STX8: variants seen among roughly 807,000 people sequenced by gnomAD.
The protein encoded by STX8 is syntaxin-8.
Under a neutral mutation model 37.5 loss-of-function variants are expected in STX8, and 23 were observed. The ratio of observed to expected loss-of-function variants is 0.61; its 90% CI spans 0.44 to 0.87. STX8 has a LOEUF of 0.87. Among genes scored for constraint, STX8 ranks in the 40% least tolerant of loss-of-function variants. The pLI is 0.00. For missense variants in STX8, 313 were observed against 284.7 expected, an observed-to-expected ratio of 1.10 and a Z score of -0.71; for synonymous variants, 115 against 99.1, an observed-to-expected ratio of 1.16 and a Z score of -0.95.
chr17:9,530,985 T>C (rs943907073), intron 4 of STX8, among the ~76,000 whole-genome samples: 1 of 152,262 alleles, frequency 6.6e-6, no homozygotes, highest in Non-Finnish European at 1.5e-5. Context: ...GAATTATTTC[T>C]TATGTAGGGT....
At chr17:9,324,491 G>A (rs540908519) in intron 7 of STX8, among the ~76,000 whole-genome samples, 20 of 152,046 alleles carry the variant, frequency 1.3e-4, no homozygotes, top group African/African-American at 4.1e-4. Context: ...GGCCAGGTGC[G>A]GTGGCTCCTG....
At chr17:9,405,187 A>G (rs1227244462) in intron 6 of STX8, among the ~76,000 whole-genome samples, 1 of 152,150 alleles carries the variant, frequency 6.6e-6, no homozygotes, top group Non-Finnish European at 1.5e-5. Context: ...AAGATGTTCT[A>G]TCGGGGTTCT....
At chr17:9,310,423 A>G (rs1567778701) in intron 7 of STX8, among the ~76,000 whole-genome samples, 1 of 152,194 alleles carries the variant, frequency 6.6e-6, no homozygotes, top group Non-Finnish European at 1.5e-5. Context: ...CTTCCTTATA[A>G]ATAGACTATT....
At chr17:9,391,404 A>T (rs1309802040) in intron 6 of STX8, among the ~76,000 whole-genome samples, 1 of 152,108 alleles carries the variant, frequency 6.6e-6, no homozygotes, top group East Asian at 1.9e-4. Context: ...GTGAGCGGAG[A>T]TCATGCCATT....
intron 6 of STX8, among the ~76,000 whole-genome samples, chr17:9,472,292 T>C (rs1905904008): frequency 6.6e-6 from 1 of 152,182 alleles, no homozygotes; most frequent in South Asian, 2.1e-4. Context: ...GAGTCAAACC[T>C]TTTGCCACTT....
intron 4 of STX8, among the ~76,000 whole-genome samples, chr17:9,518,622 A>G (rs911027970): frequency 1.4e-4 from 22 of 152,122 alleles, no homozygotes; most frequent in African/African-American, 5.1e-4. Context: ...TAATCCCAGC[A>G]CTTTGGGAGG....
At chr17:9,449,450 C>G (rs1358602853) in intron 6 of STX8, among the ~76,000 whole-genome samples, 1 of 152,216 alleles carries the variant, frequency 6.6e-6, no homozygotes, top group African/African-American at 2.4e-5. Flanking sequence ...GTCCCAGCTA[C>G]TCGGGCGGCT....
intron 7 of STX8, among the ~76,000 whole-genome samples, chr17:9,330,183 C>T (rs1477902766): frequency 6.6e-6 from 1 of 152,180 alleles, no homozygotes; most frequent in Admixed American, 6.5e-5. Flanking sequence ...GAATTTATCA[C>T]CTCTTATTAG....
At chr17:9,564,086 T>C (rs1002506922) in intron 2 of STX8, among the ~76,000 whole-genome samples, 10 of 152,166 alleles carry the variant, frequency 6.6e-5, no homozygotes, top group Non-Finnish European at 1.5e-4. Flanking sequence ...TCAAGGAACA[T>C]ACCTCAAAAT....
chr17:9,319,156 C>G (rs1235143325), intron 7 of STX8, among the ~76,000 whole-genome samples: 2 of 152,114 alleles, frequency 1.3e-5, no homozygotes, highest in African/African-American at 4.8e-5. Flanking sequence ...GCATTAAAAA[C>G]TAAAGAAAAT....
intron 7 of STX8, among the ~76,000 whole-genome samples, chr17:9,313,972 T>C (rs554473472): frequency 6.6e-6 from 1 of 152,320 alleles, no homozygotes; most frequent in Admixed American, 6.5e-5. Context: ...TAGGTCTCTC[T>C]ATTTACTTTA....
At chr17:9,418,950 C>CTCTCTCCCTG (rs1467588011) in intron 6 of STX8, among the ~76,000 whole-genome samples, 2 of 112,068 alleles carry the variant, frequency 1.8e-5, no homozygotes, top group African/African-American at 2.8e-5. Flanking sequence ...AAGAGATGGG[C>CTCTCTCCCTG]TCTCTCCCTG....
intron 7 of STX8, among the ~76,000 whole-genome samples, chr17:9,321,074 A>T (rs1172883600): frequency 6.6e-6 from 1 of 152,050 alleles, no homozygotes; most frequent in Non-Finnish European, 1.5e-5. Context: ...GTCTATAATC[A>T]GTGATACAGG....
At chr17:9,385,844 G>T (rs1365989821) in intron 6 of STX8, among the ~76,000 whole-genome samples, 1 of 152,128 alleles carries the variant, frequency 6.6e-6, no homozygotes, top group South Asian at 2.1e-4. Context: ...CACGATCTCC[G>T]CTCACTGCAA....
intron 7 of STX8, among the ~76,000 whole-genome samples, chr17:9,320,740 A>C (rs1372789895): frequency 6.6e-6 from 1 of 151,852 alleles, no homozygotes; most frequent in Non-Finnish European, 1.5e-5. Flanking sequence ...TAAAAAAAAA[A>C]AAATACAAAA....
intron 6 of STX8, among the ~76,000 whole-genome samples, chr17:9,424,682 C>T (rs762259415): frequency 2.6e-5 from 4 of 152,258 alleles, no homozygotes; most frequent in Non-Finnish European, 5.9e-5. Context: ...CTCATACAAG[C>T]ATTCTGAACA....
intron 4 of STX8, among the ~76,000 whole-genome samples, chr17:9,512,303 C>T (rs1046940758): frequency 1.3e-5 from 2 of 152,140 alleles, no homozygotes; most frequent in African/African-American, 4.8e-5. Flanking sequence ...GCAAAAAGAA[C>T]AAAGCTGGAG....
At chr17:9,434,625 A>G (rs1257796349) in intron 6 of STX8, among the ~76,000 whole-genome samples, 1 of 152,234 alleles carries the variant, frequency 6.6e-6, no homozygotes, top group Non-Finnish European at 1.5e-5. Context: ...GATATAGGGC[A>G]GGCAGGCTTA....
At chr17:9,350,192 T>C (rs1282042409) in intron 7 of STX8, among the ~76,000 whole-genome samples, 1 of 151,202 alleles carries the variant, frequency 6.6e-6, no homozygotes, top group Non-Finnish European at 1.5e-5. Flanking sequence ...ATGGGCCGCG[T>C]ATACAGCGTG....
Sources: gnomAD v4.1 joint callset for allele counts (sites outside exome capture counted in the v4.1 genomes callset) on GRCh38, gnomAD v4.1.1 for gene constraint, MANE v1.5 for transcripts, NCBI Gene and HGNC (gene_info 2026-07-23, HGNC 2026-07-21) for gene names.